The following CCBE1 variants were observed in gnomAD, a reference collection of about 807,000 sequenced individuals.
CCBE1 encodes the protein collagen and calcium binding EGF domains 1.
A neutral mutation model predicts 50.0 loss-of-function variants in CCBE1; 37 were observed. The ratio of observed to expected loss-of-function variants is 0.74; its 90% CI spans 0.57 to 0.97. CCBE1 has a LOEUF of 0.97. Among genes scored for constraint, CCBE1 ranks in the 50% least tolerant of loss-of-function variants. CCBE1 has a pLI of 0.00. For missense variants in CCBE1, 538 were observed against 523.8 expected, an observed-to-expected ratio of 1.03 and a Z score of -0.26; for synonymous variants, 234 against 203.7, an observed-to-expected ratio of 1.15 and a Z score of -1.27.
intron 2 of CCBE1, among the ~76,000 whole-genome samples, chr18:59,590,005 G>A (rs559479857): frequency 1.1e-4 from 17 of 152,070 alleles, no homozygotes; most frequent in East Asian, 9.6e-4. Flanking sequence ...GACACACACC[G>A]ACAAAACAGA....
chr18:59,532,459 T>A (rs754119587), intron 2 of CCBE1, among the ~76,000 whole-genome samples: 4 of 152,240 alleles, frequency 2.6e-5, no homozygotes, highest in Non-Finnish European at 5.9e-5. Flanking sequence ...TGTGGACCTG[T>A]ACCAATAGCT....
At chr18:59,529,633 G>T (rs758439951) in intron 2 of CCBE1, among the ~76,000 whole-genome samples, 3 of 152,218 alleles carry the variant, frequency 2.0e-5, no homozygotes, top group Non-Finnish European at 2.9e-5. Context: ...TGGCTCCTGA[G>T]TGGGTGGTCT....
intron 2 of CCBE1, among the ~76,000 whole-genome samples, chr18:59,484,370 T>C (rs1912715463): frequency 6.6e-6 from 1 of 152,232 alleles, no homozygotes; most frequent in Non-Finnish European, 1.5e-5. Flanking sequence ...TATTTGTCTG[T>C]TTCTATTTTA....
intron 6 of CCBE1, among the ~76,000 whole-genome samples, chr18:59,451,553 C>T (rs1329395966): frequency 6.6e-6 from 1 of 152,086 alleles, no homozygotes; most frequent in African/African-American, 2.4e-5. Flanking sequence ...CACACTCTCC[C>T]TTTCTCACCA....
intron 2 of CCBE1, among the ~76,000 whole-genome samples, chr18:59,641,535 A>G (rs1434994347): frequency 8.0e-6 from 1 of 124,550 alleles, no homozygotes. Context: ...TAATCTGTAC[A>G]CCAAACCCCG....
chr18:59,599,772 G>T (rs570265159), intron 2 of CCBE1, among the ~76,000 whole-genome samples: 1 of 152,292 alleles, frequency 6.6e-6, no homozygotes, highest in African/African-American at 2.4e-5. Context: ...ATAGCTGGGG[G>T]TCTATGGATA....
At chr18:59,559,627 C>G (rs1004162923) in intron 2 of CCBE1, among the ~76,000 whole-genome samples, 1 of 152,204 alleles carries the variant, frequency 6.6e-6, no homozygotes, top group Non-Finnish European at 1.5e-5. Context: ...TGGCCAAGGT[C>G]CTTGGCTTGG....
intron 2 of CCBE1, among the ~76,000 whole-genome samples, chr18:59,661,366 G>A (rs879617624): frequency 3.9e-5 from 6 of 152,260 alleles, no homozygotes; most frequent in South Asian, 2.1e-4. Flanking sequence ...TCAGAATAGG[G>A]GTTCAATAAA....
chr18:59,469,706 G>T (rs1199412930), intron 3 of CCBE1, 99 bp from the exon 4 acceptor site: 3 of 1,515,688 alleles, frequency 2.0e-6, no homozygotes, highest in East Asian at 4.5e-5. Flanking sequence ...TCTGCTCAAG[G>T]GCACGTGTGA....
chr18:59,644,912 C>A (rs563164298), intron 2 of CCBE1, among the ~76,000 whole-genome samples: 1 of 152,348 alleles, frequency 6.6e-6, no homozygotes, highest in South Asian at 2.1e-4. Context: ...ATCTCAAATT[C>A]TTTCAATTCT....
intron 2 of CCBE1, among the ~76,000 whole-genome samples, chr18:59,685,228 C>G (rs1013794114): frequency 2.0e-5 from 3 of 151,922 alleles, no homozygotes; most frequent in Non-Finnish European, 2.9e-5. Context: ...GAATTTGCAC[C>G]CTGAGATTTG....
intron 2 of CCBE1, among the ~76,000 whole-genome samples, chr18:59,482,224 T>C (rs944119902): frequency 2.6e-5 from 4 of 152,364 alleles, no homozygotes; most frequent in East Asian, 1.9e-4. Flanking sequence ...GAACTCATTC[T>C]TTTTTATGGC....
chr18:59,654,292 G>C (rs928293244), intron 2 of CCBE1, among the ~76,000 whole-genome samples: 4 of 152,194 alleles, frequency 2.6e-5, no homozygotes, highest in East Asian at 1.9e-4. Context: ...CACAGGTTTT[G>C]TTTGGGCACA....
At chr18:59,541,348 G>A (rs917582204) in intron 2 of CCBE1, among the ~76,000 whole-genome samples, 4 of 152,176 alleles carry the variant, frequency 2.6e-5, no homozygotes, top group African/African-American at 9.7e-5. Context: ...AACACCATAT[G>A]TCAGGGAGGT....
chr18:59,569,249 G>A (rs184421058), intron 2 of CCBE1, among the ~76,000 whole-genome samples: 1 of 152,160 alleles, frequency 6.6e-6, no homozygotes, highest in African/African-American at 2.4e-5. Flanking sequence ...GCACTTTATT[G>A]TACCAGCTTG....
At chr18:59,505,210 A>T (rs1913815154) in intron 2 of CCBE1, among the ~76,000 whole-genome samples, 1 of 152,182 alleles carries the variant, frequency 6.6e-6, no homozygotes, top group South Asian at 2.1e-4. Flanking sequence ...CATTCAAACC[A>T]TTTATAGTTG....
intron 3 of CCBE1, among the ~76,000 whole-genome samples, chr18:59,475,183 T>C (rs1320752090): frequency 6.6e-6 from 1 of 152,182 alleles, no homozygotes; most frequent in Non-Finnish European, 1.5e-5. Context: ...TTTGGCACCA[T>C]TCTAACTCAG....
chr18:59,531,092 AT>A (rs917825694), intron 2 of CCBE1, among the ~76,000 whole-genome samples: 10 of 152,184 alleles, frequency 6.6e-5, no homozygotes, highest in African/African-American at 2.4e-4. Flanking sequence ...AAAGGGCTGT[AT>A]TTTCAAATAC....
At chr18:59,631,068 G>A (rs996193813) in intron 2 of CCBE1, among the ~76,000 whole-genome samples, 2 of 152,120 alleles carry the variant, frequency 1.3e-5, no homozygotes, top group Non-Finnish European at 2.9e-5. Context: ...GACTTTTCCT[G>A]TCATCTCATG....
Sources: allele counts gnomAD v4.1 joint callset (sites outside exome capture counted in the v4.1 genomes callset), GRCh38; gene constraint gnomAD v4.1.1; transcripts MANE v1.5; gene names NCBI Gene and HGNC (gene_info 2026-07-23, HGNC 2026-07-21).